The following PCCA variants were observed in gnomAD, a reference collection of about 807,000 sequenced individuals.
PCCA encodes the protein propionyl-CoA carboxylase subunit alpha.
A neutral mutation model predicts 101.3 loss-of-function variants in PCCA; 74 were observed. That is an observed-to-expected ratio of 0.73 (90% CI 0.61 to 0.89). PCCA has a LOEUF of 0.89. Among genes scored for constraint, PCCA ranks in the 40% least tolerant of loss-of-function variants. PCCA has a pLI of 0.00. For synonymous variants in PCCA, 294 were observed against 313.6 expected (o/e 0.94, Z 0.66); for missense variants, 891 against 907.0 (o/e 0.98, Z 0.23).
chr13:100,446,541 A>G (rs2080846734), intron 20 of PCCA, among the ~76,000 whole-genome samples: 1 of 152,202 alleles, frequency 6.6e-6, no homozygotes, highest in South Asian at 2.1e-4. Context: ...GTCTTAATTC[A>G]GCCAGCAGTG....
intron 12 of PCCA, among the ~76,000 whole-genome samples, chr13:100,289,990 T>C (rs1445889038): frequency 6.6e-6 from 1 of 152,194 alleles, no homozygotes; most frequent in Non-Finnish European, 1.5e-5. Context: ...AAATGTCACA[T>C]CCTCAACTAT....
intron 18 of PCCA, among the ~76,000 whole-genome samples, chr13:100,350,938 C>T (rs1306590212): frequency 1.3e-5 from 2 of 152,212 alleles, no homozygotes; most frequent in Non-Finnish European, 2.9e-5. Flanking sequence ...AATTTCATAT[C>T]ATACAGCTAT....
chr13:100,126,396 G>C (rs1333223578), intron 4 of PCCA, among the ~76,000 whole-genome samples: 3 of 152,060 alleles, frequency 2.0e-5, no homozygotes, highest in African/African-American at 7.2e-5. Flanking sequence ...GTTTGAAAGT[G>C]AAATTTATGT....
intron 22 of PCCA, among the ~76,000 whole-genome samples, chr13:100,526,738 TC>T (rs1386179495): frequency 1.3e-5 from 2 of 152,208 alleles, no homozygotes; most frequent in African/African-American, 4.8e-5. Flanking sequence ...CGCTGACCCA[TC>T]GGGGCAGAGC....
At chr13:100,444,999 C>A (rs117171232) in intron 20 of PCCA, among the ~76,000 whole-genome samples, 19 of 152,162 alleles carry the variant, frequency 1.2e-4, no homozygotes, top group East Asian at 9.7e-4. Flanking sequence ...GTTTATTTGG[C>A]TCGTGATTCT....
intron 10 of PCCA, among the ~76,000 whole-genome samples, chr13:100,265,713 TCTCCCTCCCTCCTTCG>T (rs1479127768): frequency 1.3e-5 from 2 of 152,092 alleles, no homozygotes; most frequent in Non-Finnish European, 2.9e-5. Flanking sequence ...TTCTTCCCTC[TCTCCCTCCCTCCTTCG>T]CTCCCTCCCT....
chr13:100,264,353 G>A (rs2062791171), intron 10 of PCCA, among the ~76,000 whole-genome samples: 2 of 151,984 alleles, frequency 1.3e-5, no homozygotes, highest in East Asian at 1.9e-4. Flanking sequence ...ATCTAATTGT[G>A]TAACAACCAT....
intron 4 of PCCA, among the ~76,000 whole-genome samples, chr13:100,131,215 C>T (rs181150271): frequency 3.3e-5 from 5 of 152,262 alleles, no homozygotes; most frequent in South Asian, 2.1e-4. Flanking sequence ...CAAGCTTGTT[C>T]GGTTCAGATT....
chr13:100,317,994 C>T (rs1280613542), intron 16 of PCCA, among the ~76,000 whole-genome samples: 1 of 152,142 alleles, frequency 6.6e-6, no homozygotes, highest in Non-Finnish European at 1.5e-5. Context: ...TGGACCCCAG[C>T]CTTGCCATTT....
intron 6 of PCCA, among the ~76,000 whole-genome samples, chr13:100,205,111 C>T (rs2058773471): frequency 6.6e-6 from 1 of 152,078 alleles, no homozygotes; most frequent in Admixed American, 6.6e-5. Context: ...GTTGCTATTG[C>T]ATAACAAAAA....
chr13:100,456,523 G>A lies in PCCA; in HGVS notation c.1899+7218G>A, dbSNP rs1205087811. Among the ~76,000 whole-genome samples, 4 of 152,162 alleles carry A rather than the reference G, an allele frequency of 2.6e-5. No individual in the cohort carries two copies. In the East Asian group the frequency reaches 5.8e-4, roughly 22 times the overall value. The stretch of plus-strand genomic sequence containing the variant: ...AGATGCGGAGACCGGTAGTGGCCCC[G>A]AACGGCTGGGCGCGCTGAGTACAAG... On this transcript the variant is annotated intron_variant, in intron 21 of 23. Transcript: ENST00000376285.
chr13:100,233,789 T>A (rs906456274), intron 7 of PCCA, among the ~76,000 whole-genome samples: 3 of 152,194 alleles, frequency 2.0e-5, no homozygotes, highest in African/African-American at 7.2e-5. Flanking sequence ...ATTTTCATAG[T>A]AAGAAGACTT....
chr13:100,524,963 C>A (rs1046286945), intron 22 of PCCA, among the ~76,000 whole-genome samples: 3 of 138,158 alleles, frequency 2.2e-5, no homozygotes, highest in African/African-American at 5.4e-5. Flanking sequence ...TAGGATAGAC[C>A]GAGATTCTGT....
chr13:100,219,080 T>C (rs1399117031), intron 7 of PCCA, among the ~76,000 whole-genome samples: 1 of 152,198 alleles, frequency 6.6e-6, no homozygotes, highest in Admixed American at 6.5e-5. Context: ...CACTCCCTGA[T>C]TGCAGCCTTG....
chr13:100,326,323 A>T (rs1218470113), intron 16 of PCCA, among the ~76,000 whole-genome samples: 1 of 152,158 alleles, frequency 6.6e-6, no homozygotes, highest in African/African-American at 2.4e-5. Flanking sequence ...GATGTAGATA[A>T]ATGCTTCTGA....
intron 19 of PCCA, among the ~76,000 whole-genome samples, chr13:100,415,383 G>T (rs2078300285): frequency 6.6e-6 from 1 of 152,160 alleles, no homozygotes; most frequent in Non-Finnish European, 1.5e-5. Flanking sequence ...TCCAGCCTGG[G>T]TGACAGAGTG....
At chr13:100,156,564 G>C (rs2053912170) in intron 5 of PCCA, among the ~76,000 whole-genome samples, 1 of 152,208 alleles carries the variant, frequency 6.6e-6, no homozygotes. Flanking sequence ...CAGGCTGGTA[G>C]ATTGTAGCAA....
intron 6 of PCCA, among the ~76,000 whole-genome samples, chr13:100,175,928 C>G (rs1221857373): frequency 6.6e-6 from 1 of 152,194 alleles, no homozygotes; most frequent in Non-Finnish European, 1.5e-5. Flanking sequence ...TGAAAATACT[C>G]TGTGTTAGAC....
intron 1 of PCCA, among the ~76,000 whole-genome samples, chr13:100,101,542 C>A (rs7317761): frequency 6.6e-6 from 1 of 151,872 alleles, no homozygotes; most frequent in African/African-American, 2.4e-5. Flanking sequence ...TAAACTATAT[C>A]TTTTTGTATC....
Sources: allele counts gnomAD v4.1 joint callset (sites outside exome capture counted in the v4.1 genomes callset), GRCh38; gene constraint gnomAD v4.1.1; transcripts MANE v1.5; gene names NCBI Gene and HGNC (gene_info 2026-07-23, HGNC 2026-07-21).